The following HSPBAP1 variants were observed in gnomAD, a reference collection of about 807,000 sequenced individuals.
The protein encoded by HSPBAP1 is HSPB1 associated protein 1.
In HSPBAP1, 27 loss-of-function variants were observed where a neutral mutation model predicts 45.2. The ratio of observed to expected loss-of-function variants is 0.60; its 90% CI spans 0.44 to 0.82. The LOEUF is 0.82. HSPBAP1 is among the 40% of genes least tolerant of loss of function. HSPBAP1 has a pLI of 0.00. For synonymous variants in HSPBAP1, 204 were observed against 202.7 expected (o/e 1.01, Z -0.06); for missense variants, 510 against 590.9 (o/e 0.86, Z 1.42).
chr3:122,780,483 A>G (rs1458327437), intron 1 of HSPBAP1, among the ~76,000 whole-genome samples: 4 of 112,012 alleles, frequency 3.6e-5, no homozygotes, highest in Admixed American at 9.1e-5. Context: ...CACCTCCCGG[A>G]CGGGGCAGCT....
intron 3 of HSPBAP1, among the ~76,000 whole-genome samples, chr3:122,762,954 A>G (rs1440493608): frequency 6.6e-6 from 1 of 152,232 alleles, no homozygotes; most frequent in Non-Finnish European, 1.5e-5. Flanking sequence ...AGACAGAGGT[A>G]TTGAAATCCC....
At position 122,780,436 on chromosome 3, in the gene HSPBAP1, C is replaced by T. The variant is rs1231273466; in HGVS notation, c.65-2530G>A. Among the ~76,000 whole-genome samples the T allele has an allele frequency of 2.4e-4, 31 of 126,930 alleles. 2 individuals are homozygous for T. Among genetic ancestry groups the T allele is most frequent in the African/African-American group, 9.3e-4 (30 of 32,430 alleles). The allele number at this position is 126,930 out of a possible 152,430, so 83.3% of individuals were successfully genotyped here. Reference sequence around the variant, plus strand: ...CGGCTGGCCGGGCAGAGGGGCTCCTCACTTCCCAGTAGGGGCGGCCGGGCA... The same window carrying T: ...CGGCTGGCCGGGCAGAGGGGCTCCTTACTTCCCAGTAGGGGCGGCCGGGCA... On this transcript the variant is annotated intron_variant, in intron 1 of 7. Transcript: ENST00000306103.
Position 122,761,283 on chromosome 3 carries a change from C to T in HSPBAP1, c.433-1923G>A, listed in dbSNP as rs574316027. ...AATGAATACCAAAGCCCCTTCTCCT[C>T]AGAAAAAAGCACACACGAAACTTTA... On this transcript the variant is annotated intron_variant, in intron 3 of 7. Transcript: ENST00000306103. Among the ~76,000 whole-genome samples the T allele has an allele frequency of 3.3e-5, 5 of 152,290 alleles. No homozygotes were observed. In the East Asian group the frequency reaches 7.7e-4, roughly 23 times the overall value.
intron 3 of HSPBAP1, among the ~76,000 whole-genome samples, chr3:122,763,820 A>G (rs1020390750): frequency 2.6e-5 from 4 of 152,256 alleles, no homozygotes; most frequent in Non-Finnish European, 4.4e-5. Context: ...CAAACATTTT[A>G]TAAGTTAAAA....
chr3:122,790,898 C>T (rs1935807038), intron 1 of HSPBAP1, among the ~76,000 whole-genome samples: 1 of 152,166 alleles, frequency 6.6e-6, no homozygotes. Context: ...ACTGAACATA[C>T]TGACCCTTTC....
At chr3:122,785,174 T>C (rs141242835) in intron 1 of HSPBAP1, among the ~76,000 whole-genome samples, 1 of 152,338 alleles carries the variant, frequency 6.6e-6, no homozygotes, top group East Asian at 1.9e-4. Context: ...AATTCATAGA[T>C]AATCATTCAC....
chr3:122,754,914 T>A, intron 5 of HSPBAP1: 2 of 1,011,394 alleles, frequency 2.0e-6, no homozygotes, highest in Non-Finnish European at 2.4e-6. Flanking sequence ...ATACTAACTG[T>A]GATTAAATGT....
intron 6 of HSPBAP1, among the ~76,000 whole-genome samples, chr3:122,744,958 C>G (rs1386024678): frequency 6.6e-6 from 1 of 152,048 alleles, no homozygotes; most frequent in Non-Finnish European, 1.5e-5. Flanking sequence ...ATGTAATCAT[C>G]TTTATCAATT....
At chr3:122,789,994 C>G (rs1935773843) in intron 1 of HSPBAP1, among the ~76,000 whole-genome samples, 1 of 151,986 alleles carries the variant, frequency 6.6e-6, no homozygotes, top group African/African-American at 2.4e-5. Context: ...TCCCAAGCAG[C>G]TGGAACTACA....
At chr3:122,779,482 A>G (rs1307426456) in intron 1 of HSPBAP1, among the ~76,000 whole-genome samples, 3 of 108,644 alleles carry the variant, frequency 2.8e-5, no homozygotes, top group African/African-American at 9.0e-5. Context: ...AAACTCTTGA[A>G]TATGTTTTCT....
At chr3:122,788,917 TTAAC>T (rs1935735893) in intron 1 of HSPBAP1, among the ~76,000 whole-genome samples, 1 of 152,194 alleles carries the variant, frequency 6.6e-6, no homozygotes, top group South Asian at 2.1e-4. Context: ...TGAAAAATGG[TTAAC>T]ATGGTAAATT....
intron 4 of HSPBAP1, among the ~76,000 whole-genome samples, chr3:122,757,955 C>T (rs925081275): frequency 8.5e-5 from 13 of 152,234 alleles, no homozygotes; most frequent in African/African-American, 2.9e-4. Context: ...CTTGCATCCA[C>T]AGCGTGTAGC....
chr3:122,770,123 G>GT (rs1247589085), intron 2 of HSPBAP1, among the ~76,000 whole-genome samples: 3 of 152,170 alleles, frequency 2.0e-5, no homozygotes, highest in African/African-American at 7.2e-5. Flanking sequence ...GTTTCTGCCT[G>GT]TAACTGCTTA....
At chr3:122,787,154 A>G (rs1482370091) in intron 1 of HSPBAP1, among the ~76,000 whole-genome samples, 1 of 152,222 alleles carries the variant, frequency 6.6e-6, no homozygotes, top group African/African-American at 2.4e-5. Context: ...TCTGGGTGTT[A>G]CCCAATAGTT....
chr3:122,770,203 G>A (rs1934940493), intron 2 of HSPBAP1, among the ~76,000 whole-genome samples: 1 of 152,162 alleles, frequency 6.6e-6, no homozygotes, highest in African/African-American at 2.4e-5. Flanking sequence ...AGGTAATAGA[G>A]GCAGGGTGTA....
At chr3:122,780,647 G>T (rs1443893790) in intron 1 of HSPBAP1, among the ~76,000 whole-genome samples, 2 of 148,424 alleles carry the variant, frequency 1.3e-5, no homozygotes, top group Admixed American at 6.6e-5. Context: ...CTGGCCAGGC[G>T]GGGGGCTGAC....
chr3:122,755,756 A>C (rs1395620782), intron 4 of HSPBAP1, among the ~76,000 whole-genome samples: 1 of 152,020 alleles, frequency 6.6e-6, no homozygotes, highest in Admixed American at 6.5e-5. Flanking sequence ...CCTTCTCATA[A>C]ATAGTTTTCA....
intron 1 of HSPBAP1, among the ~76,000 whole-genome samples, chr3:122,785,227 T>A (rs1935614532): frequency 6.6e-6 from 1 of 152,094 alleles, no homozygotes; most frequent in Non-Finnish European, 1.5e-5. Context: ...AGTGCATGAG[T>A]GTATGTGCAC....
chr3:122,743,039 C>T (rs1014171764), intron 6 of HSPBAP1, among the ~76,000 whole-genome samples: 1 of 152,152 alleles, frequency 6.6e-6, no homozygotes, highest in Non-Finnish European at 1.5e-5. Context: ...ACAGAACCAA[C>T]AGAAGATACA....
Sources: gnomAD v4.1 joint callset for allele counts (sites outside exome capture counted in the v4.1 genomes callset) on GRCh38, gnomAD v4.1.1 for gene constraint, MANE v1.5 for transcripts, NCBI Gene and HGNC (gene_info 2026-07-23, HGNC 2026-07-21) for gene names.